The following FIP1L1 variants were observed in gnomAD, a reference collection of about 807,000 sequenced individuals.
The protein encoded by FIP1L1 is pre-mRNA 3'-end-processing factor FIP1.
A neutral mutation model predicts 84.6 loss-of-function variants in FIP1L1; 21 were observed. The observed-to-expected ratio is 0.25, with a 90% CI of 0.18 to 0.36. The LOEUF is 0.36. Among genes scored for constraint, FIP1L1 ranks in the 10% least tolerant of loss-of-function variants. FIP1L1 has a pLI of 1.00. For missense variants in FIP1L1, 526 were observed against 751.1 expected (o/e 0.70, Z 3.50); for synonymous variants, 263 against 242.3 (o/e 1.09, Z -0.80).
At chr4:53,419,463 A>AC (rs1761197955) in intron 11 of FIP1L1, among the ~76,000 whole-genome samples, 1 of 152,188 alleles carries the variant, frequency 6.6e-6, no homozygotes, top group East Asian at 1.9e-4. Flanking sequence ...TTTTTTCAAG[A>AC]CAGAGTCTCA....
chr4:53,405,806 G>T (rs1044582304), intron 10 of FIP1L1, among the ~76,000 whole-genome samples: 1 of 150,830 alleles, frequency 6.6e-6, no homozygotes, highest in Admixed American at 6.6e-5. Flanking sequence ...TTGGCTCTCT[G>T]TTTGTCTGTT....
rs1309382852 is a variant in FIP1L1 at position 53,460,398 on chromosome 4, T to TTAAA, written c.*952_*955dup. 10 of 189,102 alleles carry TTAAA rather than the reference T, an allele frequency of 5.3e-5. No homozygotes were observed. Among genetic ancestry groups the TTAAA allele is most frequent in the Non-Finnish European group, 1.1e-4 (10 of 90,388 alleles). 11.7% of individuals were successfully genotyped at this position (189,102 alleles called of 1,614,324 possible). ...TGAAAGAATAAATTACTAGGATCTT[T>TTAAA]TAAATAGTGATAATACAAAAGTAAT... is the stretch of plus-strand genomic sequence containing the variant. On this transcript the variant is annotated 3_prime_UTR_variant, in exon 18 of 18. Transcript: ENST00000337488.
intron 13 of FIP1L1, among the ~76,000 whole-genome samples, chr4:53,437,180 T>A (rs1403645868): frequency 6.6e-6 from 1 of 151,578 alleles, no homozygotes; most frequent in Non-Finnish European, 1.5e-5. Context: ...TGCAAAAAAT[T>A]AGCTGAGCAT....
In FIP1L1 at chr4:53,459,805, C is replaced by G. The variant is rs2150526260; in HGVS notation, c.*356C>G. ...CAGTTTTTTTGTTAATCAAACACCA[C>G]TCTCTTAAGAGGCTGCATCACAAAA... On this transcript the variant is annotated 3_prime_UTR_variant, in exon 18 of 18. Transcript: ENST00000337488. 3.2e-6 allele frequency: 1 copy of G among 312,690 alleles called. No individual in the cohort carries two copies. Among genetic ancestry groups the G allele is most frequent in the Non-Finnish European group, 6.0e-6 (1 of 166,902 alleles). The allele number at this position is 312,690 out of a possible 1,614,324, so 19.4% of individuals were successfully genotyped here. A position where few individuals can be genotyped will look rare whatever the true frequency, so the allele number is the denominator to read the frequency against.
Position 53,453,198 on chromosome 4 carries a change from A to T in FIP1L1, c.1499+65A>T, listed in dbSNP as rs936169610. The T allele has an allele frequency of 3.2e-6, 5 of 1,579,838 alleles. No individual in the cohort carries two copies. The African/African-American group carries it at 5.4e-5, about 17-fold the overall frequency. ...AAGCACTTACAAATTTATTTTCGTT[A>T]TGAGGAAGTGAATTTCAGTTCACTT... On this transcript the variant is annotated intron_variant, in intron 16 of 17. Transcript: ENST00000337488.
chr4:53,421,188 A>G lies in FIP1L1; in HGVS notation c.924-4684A>G, dbSNP rs940485246. Among the ~76,000 whole-genome samples, 30 of 152,300 alleles carry G rather than the reference A, an allele frequency of 2.0e-4. 1 individual carries two copies. The highest frequency in any genetic ancestry group is 6.0e-4 in the African/African-American group (25 of 41,570). ...CTACGGTTTTGAAGTAAAATGATAG[A>G]TGTAGTTACAATGGGAGCTGATATT... On this transcript the variant is annotated intron_variant, in intron 11 of 17. Transcript: ENST00000337488.
chr4:53,433,367 A>G (rs372365414), intron 13 of FIP1L1, among the ~76,000 whole-genome samples: 1 of 152,320 alleles, frequency 6.6e-6, no homozygotes, highest in Admixed American at 6.5e-5. Flanking sequence ...ACCTCATATA[A>G]GTGGAATCAT....
intron 10 of FIP1L1, among the ~76,000 whole-genome samples, chr4:53,405,740 A>T (rs909489027): frequency 2.0e-5 from 3 of 149,346 alleles, no homozygotes; most frequent in East Asian, 3.9e-4. Context: ...TGTAAGTTGG[A>T]TTCCTAGGTA....
Position 53,396,469 on chromosome 4 carries a change from G to A in FIP1L1, c.706-3261G>A, listed in dbSNP as rs749044115. Among the ~76,000 whole-genome samples, 118 of 151,928 alleles carry A rather than the reference G, an allele frequency of 7.8e-4. 1 individual carries two copies. The Middle Eastern group carries it at 0.02, about 26-fold the overall frequency. ...CAGGCTAGATAGAGTTCAGTGGCGCGATCTTGGCTCACTGAAACCTCCACC... is the reference window on the plus strand; with the variant it reads ...CAGGCTAGATAGAGTTCAGTGGCGCAATCTTGGCTCACTGAAACCTCCACC... On this transcript the variant is annotated intron_variant, in intron 9 of 17. Coordinates refer to ENST00000337488, the MANE Select transcript of FIP1L1 (RefSeq NM_030917.4).
chr4:53,391,347 T>C (rs1283361863), intron 8 of FIP1L1, 83 bp from the exon 9 acceptor site: 15 of 1,257,842 alleles, frequency 1.2e-5, no homozygotes, highest in Non-Finnish European at 1.3e-5. Flanking sequence ...AATCACAGAC[T>C]AGCCACAGCT....
chr4:53,387,707 T>G lies in FIP1L1; in HGVS notation c.333-2102T>G, dbSNP rs1741865146. ...AGCTCATTTATTGAACACTTGTGGC[T>G]AAGCCTTTTATAAAAATACTGTTTT... On this transcript the variant is annotated intron_variant, in intron 5 of 17. Transcript: ENST00000337488. Among the ~76,000 whole-genome samples the G allele has an allele frequency of 2.0e-5, 3 of 152,382 alleles. No homozygotes were observed. The South Asian group carries it at 6.2e-4, about 32-fold the overall frequency.
At chr4:53,410,876 T>C (rs1756888963) in intron 10 of FIP1L1, among the ~76,000 whole-genome samples, 3 of 152,206 alleles carry the variant, frequency 2.0e-5, no homozygotes, top group Non-Finnish European at 2.9e-5. Flanking sequence ...TTGTACATAT[T>C]GGGTTCAGTA....
At chr4:53,444,178 A>T in intron 15 of FIP1L1, 75 bp downstream of exon 15, 1 of 780,730 alleles carries the variant, frequency 1.3e-6, no homozygotes, top group African/African-American at 1.7e-5. Context: ...AGCAATAAAA[A>T]CGTGTTCATG....
chr4:53,379,516 T>G lies in FIP1L1; in HGVS notation c.170+252T>G, dbSNP rs188184505. On this transcript the variant is annotated intron_variant, in intron 3 of 17. Transcript: ENST00000337488. Reference sequence around the variant, plus strand: ...GACTGATTTTACACTGTTAAGTAACTTGTTACTCTTAAGTGAATTCAGTAG... The same window carrying G: ...GACTGATTTTACACTGTTAAGTAACGTGTTACTCTTAAGTGAATTCAGTAG... Among the ~76,000 whole-genome samples, 13 of 152,358 alleles carry G rather than the reference T, an allele frequency of 8.5e-5. No homozygotes were observed. The East Asian group carries it at 2.5e-3, about 29-fold the overall frequency.
chr4:53,428,307 C>T lies in FIP1L1; in HGVS notation c.1174+124C>T, dbSNP rs1229406102. 22 of 878,694 alleles carry T rather than the reference C, an allele frequency of 2.5e-5. No homozygotes were observed. The South Asian group carries it at 5.2e-4, about 21-fold the overall frequency. 54.4% of individuals were successfully genotyped at this position (878,694 alleles called of 1,614,324 possible). A position where few individuals can be genotyped will look rare whatever the true frequency, so the allele number is the denominator to read the frequency against. On this transcript the variant is annotated intron_variant, in intron 13 of 17. Coordinates refer to ENST00000337488, the MANE Select transcript of FIP1L1 (RefSeq NM_030917.4). ...TTAAAAGTAATAGATATAATATCTTCAACAGATTCACACTGAAACAGATAT... is the reference window on the plus strand; with the variant it reads ...TTAAAAGTAATAGATATAATATCTTTAACAGATTCACACTGAAACAGATAT...
chr4:53,404,325 G>A (rs13152158), intron 10 of FIP1L1, among the ~76,000 whole-genome samples: 2 of 151,646 alleles, frequency 1.3e-5, no homozygotes, highest in Non-Finnish European at 2.9e-5. Flanking sequence ...CCATGTCCCT[G>A]CAAAGGACAT....
At chr4:53,391,170 G>A in intron 8 of FIP1L1, 31 bp downstream of exon 8, 3 of 1,580,680 alleles carry the variant, frequency 1.9e-6, no homozygotes, top group Non-Finnish European at 2.6e-6. Context: ...AATACCCTTG[G>A]CTTGTCTACC....
intron 13 of FIP1L1, chr4:53,440,701 A>G (rs1276330129): frequency 1.2e-6 from 1 of 860,274 alleles, no homozygotes; most frequent in Admixed American, 2.0e-5. Flanking sequence ...TGCGGTTAGA[A>G]TATGGAATAG....
At chr4:53,405,709 G>A (rs1162766632) in intron 10 of FIP1L1, among the ~76,000 whole-genome samples, 1 of 148,216 alleles carries the variant, frequency 6.7e-6, no homozygotes, top group Non-Finnish European at 1.5e-5. Flanking sequence ...AGTTCTCCTT[G>A]AAGAGGTCCT....
Sources: gnomAD v4.1 joint callset for allele counts (sites outside exome capture counted in the v4.1 genomes callset) on GRCh38, gnomAD v4.1.1 for gene constraint, MANE v1.5 for transcripts, NCBI Gene and HGNC (gene_info 2026-07-23, HGNC 2026-07-21) for gene names.